Variants in RPF1 observed in about 807,000 individuals in gnomAD.
RPF1 encodes the protein ribosome production factor 1.
RPF1 carries 34 observed loss-of-function variants against 41.9 expected under a neutral mutation model. That is an observed-to-expected ratio of 0.81 (90% confidence interval 0.62 to 1.08). The LOEUF is 1.08. RPF1 is among the 50% of genes least tolerant of loss of function. The pLI, the probability that RPF1 is intolerant of heterozygous loss-of-function variation, is 0.00. For missense variants in RPF1, 425 were observed against 435.2 expected (o/e 0.98, Z 0.21); for synonymous variants, 140 against 148.9 (o/e 0.94, Z 0.43).
chr1:84,496,981 C>T (rs1379764200), intron 8 of RPF1, among the ~76,000 whole-genome samples: 1 of 152,000 alleles, frequency 6.6e-6, no homozygotes, highest in East Asian at 1.9e-4. Flanking sequence ...AAGCTATTCT[C>T]CTGCCTCAGC....
At position 84,489,723 on chromosome 1, in the gene RPF1, C is replaced by A; in HGVS notation, c.457C>A (p.His153Asn). 1 of 1,549,258 alleles carries A rather than the reference C, an allele frequency of 6.5e-7. No homozygotes were observed. The highest frequency in any genetic ancestry group is 8.9e-7 in the Non-Finnish European group (1 of 1,121,284). Residue 153 changes from histidine to asparagine, a missense_variant, in exon 4 of 9, where the codon CAT becomes AAT. Physicochemically the swap from His to Asn is moderately conservative, Grantham distance 68. Transcript: ENST00000370654. Reference sequence around the variant, plus strand: ...TCTCATCACAACATCAGATAGACCTCATGGGGTAAACACATTGATTAATTT... The same window carrying A: ...TCTCATCACAACATCAGATAGACCTAATGGGGTAAACACATTGATTAATTT... Reference protein sequence around the residue: ...KILITTSDRPHGRTVRLCEQL... With the variant: ...KILITTSDRPNGRTVRLCEQL...
chr1:84,485,900 AT>A (rs371428512), intron 3 of RPF1, among the ~76,000 whole-genome samples: 20 of 151,990 alleles, frequency 1.3e-4, no homozygotes, highest in South Asian at 4.2e-4. Flanking sequence ...ATCTTTTCAT[AT>A]TTTTTTCCCC....
At chr1:84,489,481 G>A (rs943386591) in intron 3 of RPF1, 152 bp from the exon 4 acceptor site, 2 of 589,960 alleles carry the variant, frequency 3.4e-6, no homozygotes, top group East Asian at 2.8e-5. Flanking sequence ...TTCTCTTCAC[G>A]TGTCCATTAA....
intron 3 of RPF1, among the ~76,000 whole-genome samples, chr1:84,484,218 T>C (rs775083871): frequency 4.6e-5 from 7 of 152,172 alleles, no homozygotes; most frequent in African/African-American, 4.8e-5. Context: ...AATAGAAAAG[T>C]AGGAATTTGT....
intron 3 of RPF1, among the ~76,000 whole-genome samples, chr1:84,488,286 TC>T (rs1681770185): frequency 1.3e-5 from 2 of 152,148 alleles, no homozygotes; most frequent in African/African-American, 2.4e-5. Context: ...TTCATGTATT[TC>T]GTAATTCTCT....
intron 2 of RPF1, among the ~76,000 whole-genome samples, chr1:84,482,679 T>A (rs1420038857): frequency 2.0e-5 from 3 of 151,966 alleles, no homozygotes; most frequent in African/African-American, 7.3e-5. Flanking sequence ...TTTTAAGCCT[T>A]TTCATTCAGT....
chr1:84,488,865 C>A (rs1217988032), intron 3 of RPF1, among the ~76,000 whole-genome samples: 1 of 152,012 alleles, frequency 6.6e-6, no homozygotes, highest in Non-Finnish European at 1.5e-5. Flanking sequence ...TTTATTAATT[C>A]TTTGCTTAGA....
chr1:84,496,596 TG>T (rs1681939704), intron 8 of RPF1, among the ~76,000 whole-genome samples: 3 of 150,806 alleles, frequency 2.0e-5, no homozygotes, highest in African/African-American at 7.3e-5. Context: ...ATACAATATC[TG>T]GGTCTGGTGA....
intron 4 of RPF1, 87 bp from the exon 5 acceptor site, chr1:84,490,232 T>G: frequency 7.2e-6 from 6 of 831,068 alleles, no homozygotes; most frequent in Non-Finnish European, 1.1e-5. Context: ...ATAATAATTA[T>G]TATTTCTTTC....
intron 7 of RPF1, 84 bp from the exon 8 acceptor site, chr1:84,496,160 G>A (rs1681930700): frequency 6.8e-7 from 1 of 1,476,268 alleles, no homozygotes; most frequent in East Asian, 2.3e-5. Context: ...TATCATACAA[G>A]ATAAAATGAA....
At position 84,482,790 on chromosome 1, in the gene RPF1, G is replaced by A. The variant is rs889741205; in HGVS notation, c.286-125G>A. 6.9e-5 allele frequency: 39 copies of A among 566,518 alleles called. No homozygotes were observed. The African/African-American group carries it at 7.1e-4, about 10-fold the overall frequency. 35.1% of individuals were successfully genotyped at this position (566,518 alleles called of 1,614,324 possible). ...TGTTATTAGAATTGATGTAGCAATA[G>A]AAGTGGATTGATATGAGGAACAGAT... is the stretch of plus-strand genomic sequence containing the variant. On this transcript the variant is annotated intron_variant, in intron 2 of 8. Coordinates refer to ENST00000370654, the MANE Select transcript of RPF1 (RefSeq NM_025065.7).
In RPF1 at chr1:84,490,438, C is replaced by T; in HGVS notation, c.582C>T (p.Asp194=). The part of the protein sequence containing the change: ...IPQCIARDFT[D]LIVINEDRKT... The stretch of plus-strand genomic sequence containing the variant: ...AGTGCATCGCAAGAGATTTCACAGA[C>T]CTGATTGTTATTAATGAAGATCGTA... The change falls in exon 5 of 9, where the codon GAC becomes GAT. Residue 194 remains aspartate, a synonymous_variant. Coordinates refer to ENST00000370654, the MANE Select transcript of RPF1 (RefSeq NM_025065.7). 3 of 1,602,372 alleles carry T rather than the reference C, an allele frequency of 1.9e-6. No individual in the cohort carries two copies. The highest frequency in any genetic ancestry group is 2.3e-5 in the South Asian group (2 of 87,598).
At chr1:84,491,556 T>C (rs1681835845) in intron 5 of RPF1, among the ~76,000 whole-genome samples, 3 of 152,248 alleles carry the variant, frequency 2.0e-5, no homozygotes, top group African/African-American at 7.2e-5. Context: ...TATTATAATT[T>C]GGCTTAACTG....
intron 8 of RPF1, among the ~76,000 whole-genome samples, chr1:84,496,927 A>G (rs1392523103): frequency 1.3e-5 from 2 of 152,048 alleles, no homozygotes; most frequent in African/African-American, 4.8e-5. Context: ...GCTGGAGTGC[A>G]GGGGCGCCAT....
chr1:84,490,380 G>C lies in RPF1; in HGVS notation c.524G>C (p.Arg175Thr). The change falls in exon 5 of 9, where the codon AGA (arginine) becomes ACA (threonine). Residue 175 changes from arginine (R) to threonine (T), a missense_variant. Coordinates refer to ENST00000370654, the MANE Select transcript of RPF1 (RefSeq NM_025065.7). ...ATACCAAACTCACATGTTTATTACA[G>C]AAGAGGACTGGCTCTGAAAAAAATT... ...TVIPNSHVYY[R>T]RGLALKKIIP... 1 of 1,612,214 alleles carries C rather than the reference G, an allele frequency of 6.2e-7. No homozygotes were observed. The highest frequency in any genetic ancestry group is 8.5e-7 in the Non-Finnish European group (1 of 1,179,008).
At chr1:84,488,330 CT>C (rs1646867531) in intron 3 of RPF1, among the ~76,000 whole-genome samples, 1 of 152,180 alleles carries the variant, frequency 6.6e-6, no homozygotes, top group African/African-American at 2.4e-5. Flanking sequence ...CTTGCTAGAG[CT>C]ATTCCTGGAT....
intron 2 of RPF1, among the ~76,000 whole-genome samples, chr1:84,482,604 A>T (rs570566272): frequency 6.6e-6 from 1 of 151,592 alleles, no homozygotes; most frequent in Admixed American, 6.6e-5. Flanking sequence ...CTCCTGTTTG[A>T]TGTGTTTCCC....
chr1:84,494,650 T>C (rs1184607080), intron 5 of RPF1, among the ~76,000 whole-genome samples: 1 of 152,238 alleles, frequency 6.6e-6, no homozygotes, highest in Non-Finnish European at 1.5e-5. Flanking sequence ...GCAACCTTAG[T>C]TTGCAGCACC....
intron 5 of RPF1, among the ~76,000 whole-genome samples, chr1:84,492,086 G>A (rs1323033596): frequency 3.9e-5 from 6 of 152,074 alleles, no homozygotes; most frequent in Admixed American, 2.6e-4. Context: ...ACTTGAACCC[G>A]GGAGGCAAAG....
Sources: allele counts gnomAD v4.1 joint callset (sites outside exome capture counted in the v4.1 genomes callset), GRCh38; gene constraint gnomAD v4.1.1; transcripts MANE v1.5; gene names NCBI Gene and HGNC (gene_info 2026-07-23, HGNC 2026-07-21).